DNAH2: variants seen among roughly 807,000 people sequenced by gnomAD.
DNAH2 encodes the protein axonemal beta dynein heavy chain 2.
A neutral mutation model predicts 523.5 loss-of-function variants in DNAH2; 323 were observed. The ratio of observed to expected loss-of-function variants is 0.62; its 90% CI spans 0.56 to 0.68. DNAH2 has a LOEUF of 0.68. Among genes scored for constraint, DNAH2 ranks in the 30% least tolerant of loss-of-function variants. DNAH2 has a pLI of 0.00. For missense variants in DNAH2, 4,907 were observed against 5,701.5 expected, an observed-to-expected ratio of 0.86 and a Z score of 4.49; for synonymous variants, 2,093 against 2,177.4, an observed-to-expected ratio of 0.96 and a Z score of 1.08.
chr17:7,728,977 C>T, intron 4 of DNAH2, among the ~76,000 whole-genome samples: 1 of 150,562 alleles, frequency 6.6e-6, no homozygotes, highest in African/African-American at 2.4e-5. Flanking sequence ...AGAGTGAGAC[C>T]CTGTCTCAAA....
rs768871315 is a variant in DNAH2, at chr17:7,786,484, C to CA, written c.6349-83dup. On this transcript the variant is annotated intron_variant, in intron 40 of 85. Coordinates refer to ENST00000572933, the MANE Select transcript of DNAH2 (RefSeq NM_020877.5). The surrounding 1 kb of genome is among the most constrained non-coding windows in gnomAD (Gnocchi z 7.5). ...TGGCCTGGAGCGATGAGAGAAGGGA[C>CA]AAATGCACGTACCTAAGAGGGGTCT... The CA allele has an allele frequency of 2.0e-5, 29 of 1,477,194 alleles. No individual in the cohort carries two copies. The highest frequency in any genetic ancestry group is 2.7e-5 in the Non-Finnish European group (29 of 1,072,456). The allele number at this position is 1,477,194 out of a possible 1,614,324, so 91.5% of individuals were successfully genotyped here.
chr17:7,793,449 T>TC (rs2076958939), intron 48 of DNAH2, among the ~76,000 whole-genome samples: 3 of 53,522 alleles, frequency 5.6e-5, no homozygotes, highest in Admixed American at 2.0e-4. Context: ...TTCTTTCTTT[T>TC]TCTTTCTTTC....
intron 2 of DNAH2, among the ~76,000 whole-genome samples, chr17:7,722,883 G>T (rs1223409693): frequency 6.6e-6 from 1 of 151,662 alleles, no homozygotes; most frequent in African/African-American, 2.4e-5. Flanking sequence ...TGCTTTCAAG[G>T]TCTCTACCTA....
At chr17:7,830,151 GTA>G in intron 77 of DNAH2, 147 bp from the exon 78 acceptor site, 7 of 746,868 alleles carry the variant, frequency 9.4e-6, no homozygotes, top group South Asian at 2.1e-5. Context: ...ATCTTGGCAT[GTA>G]GATCAACGGC....
Position 7,779,292 on chromosome 17 carries a change from T to C in DNAH2, c.5591T>C (p.Val1864Ala), listed in dbSNP as rs1347462505. 1.2e-6 allele frequency: 2 copies of C among 1,613,992 alleles called. No individual in the cohort carries two copies. The highest frequency in any genetic ancestry group is 1.7e-6 in the Non-Finnish European group (2 of 1,180,026). Residue 1864 changes from valine to alanine, a missense_variant, in exon 36 of 86, where the codon GTG becomes GCG. Val to Ala is a moderately conservative substitution (Grantham distance 64, BLOSUM62 0). This residue lies in a region of DNAH2 where 2,806 missense variants were observed against 3,190.8 expected (regional missense o/e 0.88). Coordinates refer to ENST00000572933, the MANE Select transcript of DNAH2 (RefSeq NM_020877.5). ...FDEFNRINIE[V>A]LSVVAHQILC... Reference sequence around the variant, plus strand: ...GAGTTTAACCGCATCAACATCGAGGTGCTGTCAGTGGTGGCCCACCAGATC... The same window carrying C: ...GAGTTTAACCGCATCAACATCGAGGCGCTGTCAGTGGTGGCCCACCAGATC...
chr17:7,790,165 C>T (rs1409544986), intron 44 of DNAH2, among the ~76,000 whole-genome samples: 1 of 152,226 alleles, frequency 6.6e-6, no homozygotes, highest in Non-Finnish European at 1.5e-5. Flanking sequence ...GTCACGTGCC[C>T]TCTGGGCAGG....
intron 63 of DNAH2, among the ~76,000 whole-genome samples, chr17:7,815,251 C>T (rs1387190975): frequency 1.3e-5 from 2 of 152,208 alleles, no homozygotes; most frequent in Non-Finnish European, 2.9e-5. Flanking sequence ...GCCACCTTGG[C>T]GAGGCTCCGA....
At position 7,818,072 on chromosome 17, in the gene DNAH2, C is replaced by T; in HGVS notation, c.10363C>T (p.Leu3455Phe). The T allele has an allele frequency of 6.2e-7, 1 of 1,612,846 alleles. No individual in the cohort carries two copies. Among genetic ancestry groups the T allele is most frequent in the South Asian group, 1.1e-5 (1 of 91,084 alleles). Residue 3455 changes from leucine (L) to phenylalanine (F), a missense_variant, in exon 68 of 86, where the codon CTC becomes TTC. Transcript: ENST00000572933. ...EYLDPTLNPM[L>F]NKSVARIGGR... is the part of the protein sequence containing the mutation. ...TCTGGACCCCACACTGAACCCCATG[C>T]TCAACAAATCTGTAGCCCGAATCGG...
intron 11 of DNAH2, 136 bp downstream of exon 11, chr17:7,741,128 A>C (rs1482870936): frequency 6.0e-5 from 65 of 1,083,588 alleles, no homozygotes; most frequent in Non-Finnish European, 8.1e-5. Context: ...GGTCCAGTTC[A>C]GTGAGGTCAG....
intron 58 of DNAH2, 100 bp downstream of exon 58, chr17:7,802,117 G>T: frequency 1.3e-6 from 2 of 1,490,190 alleles, no homozygotes; most frequent in South Asian, 1.3e-5. Context: ...AGACACAAAG[G>T]CCACAGTTCT....
intron 39 of DNAH2, among the ~76,000 whole-genome samples, chr17:7,781,910 T>C (rs1252909082): frequency 1.3e-5 from 2 of 152,218 alleles, no homozygotes; most frequent in East Asian, 3.8e-4. Context: ...ATAAGAACTT[T>C]CTTCTCTGGC....
chr17:7,775,241 G>A lies in DNAH2; in HGVS notation c.4720G>A (p.Val1574Ile). 6.2e-7 allele frequency: 1 copy of A among 1,612,358 alleles called. No individual in the cohort carries two copies. Among genetic ancestry groups the A allele is most frequent in the Non-Finnish European group, 8.5e-7 (1 of 1,179,176 alleles). ...TCTGAGTAGCTTCTGCTTTCTGCAG[G>A]TTGGAGGGCCCAGCAGCAAATGGGA... The part of the protein sequence containing the change: ...DNIKLLRIQK[V>I]GGPSSKWEAV... The change falls in exon 30 of 86, where the codon GTT (valine) becomes ATT (isoleucine). Residue 1574 changes from valine (V) to isoleucine (I), a missense_variant and splice_region_variant. By Grantham distance (29) the Val-to-Ile change is conservative. This residue lies in a region of DNAH2 where 2,806 missense variants were observed against 3,190.8 expected (regional missense o/e 0.88). Coordinates refer to ENST00000572933, the MANE Select transcript of DNAH2 (RefSeq NM_020877.5).
rs1191367047 is a variant in DNAH2 at position 7,807,540 on chromosome 17, G to C, written c.9683G>C (p.Arg3228Pro). The change falls in exon 63 of 86, where the codon CGG becomes CCG. Residue 3228 changes from arginine (R) to proline (P), a missense_variant. This residue lies in a region of DNAH2 where 1,851 missense variants were observed against 2,139.4 expected (regional missense o/e 0.87). Transcript: ENST00000572933. The surrounding 1 kb of genome is among the most constrained non-coding windows in gnomAD (Gnocchi z 5.6). ...ATGAACGCTGCCTTGGCTCAGCTTCGGGAGAAGCAAGCCGCGCTCGCTGAG... is the reference window on the plus strand; with the variant it reads ...ATGAACGCTGCCTTGGCTCAGCTTCCGGAGAAGCAAGCCGCGCTCGCTGAG... The part of the protein sequence containing the change: ...IRMNAALAQL[R>P]EKQAALAEAQ... The C allele has an allele frequency of 6.2e-7, 1 of 1,613,176 alleles. No individual in the cohort carries two copies. The highest frequency in any genetic ancestry group is 8.5e-7 in the Non-Finnish European group (1 of 1,180,006).
At position 7,831,481 on chromosome 17, in the gene DNAH2, C is replaced by G. The variant is rs962568154; in HGVS notation, c.12551C>G (p.Pro4184Arg). The G allele has an allele frequency of 5.0e-6, 8 of 1,614,064 alleles. No individual in the cohort carries two copies. Among genetic ancestry groups the G allele is most frequent in the African/African-American group, 1.3e-5 (1 of 74,906 alleles). Residue 4184 changes from proline (P) to arginine (R), a missense_variant, in exon 81 of 86, where the codon CCC (proline) becomes CGC (arginine). This residue lies in a region of DNAH2 where 1,851 missense variants were observed against 2,139.4 expected (regional missense o/e 0.87). Coordinates refer to ENST00000572933, the MANE Select transcript of DNAH2 (RefSeq NM_020877.5). This position sits in a 1 kb window ranked among gnomAD's most constrained non-coding sequence, Gnocchi z 4.2. ...AAACTGCTAGCTCTCGACCCCTCCC[C>G]CCTCAATGTGGTCCTTCTGCAGGAG... is the stretch of plus-strand genomic sequence containing the variant. ...TQKLLALDPS[P>R]LNVVLLQEIQ...
chr17:7,805,128 G>A, intron 60 of DNAH2, 54 bp downstream of exon 60: 2 of 1,599,558 alleles, frequency 1.3e-6, no homozygotes, highest in South Asian at 1.1e-5. Context: ...CCCGGGGAAG[G>A]GAATGGGCCA....
At position 7,787,020 on chromosome 17, in the gene DNAH2, C is replaced by A. The variant is rs752663981; in HGVS notation, c.6590C>A (p.Ala2197Glu). The A allele has an allele frequency of 6.2e-7, 1 of 1,614,088 alleles. No individual in the cohort carries two copies. The highest frequency in any genetic ancestry group is 1.1e-5 in the South Asian group (1 of 91,082). Reference sequence around the variant, plus strand: ...ACCCTCATCAACGGCGAGCGCATCGCGATGCCCGAGCAGGTCAGGGACGCG... The same window carrying A: ...ACCCTCATCAACGGCGAGCGCATCGAGATGCCCGAGCAGGTCAGGGACGCG... ...VLTLINGERI[A>E]MPEQVSLLFE... The change falls in exon 42 of 86, where the codon GCG (alanine) becomes GAG (glutamate). Residue 2197 changes from alanine (A) to glutamate (E), a missense_variant. Ala to Glu is a moderately radical substitution (Grantham distance 107). Coordinates refer to ENST00000572933, the MANE Select transcript of DNAH2 (RefSeq NM_020877.5).
At chr17:7,770,183 C>T (rs2076276289) in intron 24 of DNAH2, 69 bp from the exon 25 acceptor site, 1 of 1,508,354 alleles carries the variant, frequency 6.6e-7, no homozygotes, top group Non-Finnish European at 8.9e-7. Context: ...ATCATAGTGT[C>T]CCAGTGGGAG....
intron 42 of DNAH2, chr17:7,787,296 G>A (rs1422005596): frequency 7.4e-6 from 4 of 541,652 alleles, no homozygotes; most frequent in African/African-American, 1.9e-5. Flanking sequence ...TCGTTCTCAC[G>A]GATGCATGAG....
At chr17:7,785,263 G>A (rs1460321813) in intron 39 of DNAH2, among the ~76,000 whole-genome samples, 1 of 151,878 alleles carries the variant, frequency 6.6e-6, no homozygotes, top group East Asian at 1.9e-4. Flanking sequence ...CACCACACCC[G>A]GCTAATTTTT....
Sources: gnomAD v4.1 joint callset for allele counts (sites outside exome capture counted in the v4.1 genomes callset) on GRCh38, gnomAD v4.1.1 for gene constraint, gnomAD v4.1.1 regional missense constraint, Gnocchi (gnomAD v3.1) non-coding constraint, MANE v1.5 for transcripts, NCBI Gene and HGNC (gene_info 2026-07-23, HGNC 2026-07-21) for gene names.